AKT3: variants seen among roughly 807,000 people sequenced by gnomAD.
AKT3 encodes RAC-gamma serine/threonine-protein kinase.
AKT3 carries 15 observed loss-of-function variants against 65.3 expected under a neutral mutation model. That is an observed-to-expected ratio of 0.23 (90% CI 0.15 to 0.35). AKT3 has a LOEUF of 0.35. Among genes scored for constraint, AKT3 ranks in the 10% least tolerant of loss-of-function variants. The probability of loss-of-function intolerance (pLI) is 1.00; values close to 1 mark genes in which losing one functional copy is unlikely to be tolerated. For synonymous variants in AKT3, 206 were observed against 183.8 expected (o/e 1.12, Z -0.98); for missense variants, 243 against 576.5 (o/e 0.42, Z 5.92).
chr1:243,494,605 G>C (rs766138081), intron 13 of AKT3, among the ~76,000 whole-genome samples: 1 of 152,150 alleles, frequency 6.6e-6, no homozygotes, highest in Non-Finnish European at 1.5e-5. Flanking sequence ...AAAGCGCATA[G>C]GGCTTCATTT....
chr1:243,750,256 C>G (rs187216729), intron 2 of AKT3, among the ~76,000 whole-genome samples: 26 of 152,118 alleles, frequency 1.7e-4, no homozygotes, highest in African/African-American at 6.3e-4. Flanking sequence ...ATTCACTGTC[C>G]CTAATAAACC....
At chr1:243,574,911 G>A (rs1674829391) in intron 8 of AKT3, among the ~76,000 whole-genome samples, 1 of 152,066 alleles carries the variant, frequency 6.6e-6, no homozygotes, top group East Asian at 1.9e-4. Context: ...AAAAAATATG[G>A]ATCCTCCCTA....
chr1:243,595,664 T>A (rs180984097), intron 8 of AKT3, among the ~76,000 whole-genome samples: 36 of 152,270 alleles, frequency 2.4e-4, no homozygotes, highest in African/African-American at 6.5e-4. Flanking sequence ...TACGTTAGCC[T>A]AAACCTACAC....
intron 2 of AKT3, among the ~76,000 whole-genome samples, chr1:243,795,621 G>A (rs367566481): frequency 1.1e-4 from 17 of 150,276 alleles, no homozygotes; most frequent in South Asian, 4.2e-4. Flanking sequence ...ACAGGCGCCC[G>A]CCACTACGCC....
chr1:243,509,457 G>A (rs760137184), intron 13 of AKT3, among the ~76,000 whole-genome samples: 20 of 152,228 alleles, frequency 1.3e-4, no homozygotes, highest in Middle Eastern at 3.4e-3. Flanking sequence ...GAAAGCTAGG[G>A]CTTTGAAATT....
In AKT3 at chr1:243,501,411, C is replaced by T. The variant is rs756172746; in HGVS notation, c.*3838G>A. 2.6e-5 allele frequency: 6 copies of T among 232,992 alleles called. No homozygotes were observed. Among genetic ancestry groups the T allele is most frequent in the Non-Finnish European group, 4.2e-5 (5 of 118,006 alleles). The allele number at this position is 232,992 out of a possible 1,614,324, so 14.4% of individuals were successfully genotyped here. ...ATTCCTTCAGATTCTGGGTCCAAAC[C>T]GTGTGTTGTATAGATGATTCGGGTC... On this transcript the variant is annotated 3_prime_UTR_variant, in exon 14 of 14. Transcript: ENST00000673466.
rs201124055 is a variant in AKT3 at position 243,630,662 on chromosome 1, CT to C, written c.561+6948del. 5.3e-5 allele frequency among the ~76,000 whole-genome samples: 8 copies of C among 151,950 alleles called. 2 individuals carry two copies. Among genetic ancestry groups the C allele is most frequent in the African/African-American group, 7.2e-5 (3 of 41,396 alleles). Reference sequence around the variant, plus strand: ...GTCTCTGGCCTCCAATTCATTCTTGCTTTTTTTTAAAAAAAAAATTATAACA... The same window carrying C: ...GTCTCTGGCCTCCAATTCATTCTTGCTTTTTTTAAAAAAAAAATTATAACA... On this transcript the variant is annotated intron_variant, in intron 6 of 13. Coordinates refer to ENST00000673466, the MANE Select transcript of AKT3 (RefSeq NM_005465.7).
At chr1:243,605,222 C>T (rs1439149152) in intron 8 of AKT3, among the ~76,000 whole-genome samples, 4 of 150,568 alleles carry the variant, frequency 2.7e-5, no homozygotes, top group Non-Finnish European at 5.9e-5. Context: ...GACACGGGAT[C>T]TCACCATGTT....
intron 8 of AKT3, among the ~76,000 whole-genome samples, chr1:243,599,032 G>T (rs1203162083): frequency 6.6e-6 from 1 of 152,028 alleles, no homozygotes; most frequent in Non-Finnish European, 1.5e-5. Context: ...TTTTTATCGT[G>T]GTGATGATTT....
chr1:243,627,084 T>C (rs1679223926), intron 6 of AKT3, among the ~76,000 whole-genome samples: 1 of 152,188 alleles, frequency 6.6e-6, no homozygotes, highest in African/African-American at 2.4e-5. Flanking sequence ...ATGAAAAAGG[T>C]GAATTATTCA....
intron 2 of AKT3, among the ~76,000 whole-genome samples, chr1:243,718,435 A>AT (rs1176863594): frequency 2.0e-5 from 3 of 151,896 alleles, no homozygotes; most frequent in African/African-American, 7.3e-5. Context: ...AGCCACAAAC[A>AT]TTTTACCTAT....
intron 8 of AKT3, among the ~76,000 whole-genome samples, chr1:243,588,354 A>T (rs1675954749): frequency 6.6e-6 from 1 of 152,228 alleles, no homozygotes; most frequent in Non-Finnish European, 1.5e-5. Flanking sequence ...GCAGTCAGAG[A>T]AGAGTCATTA....
intron 10 of AKT3, among the ~76,000 whole-genome samples, chr1:243,563,120 G>A (rs1017607532): frequency 6.6e-6 from 1 of 152,048 alleles, no homozygotes; most frequent in Non-Finnish European, 1.5e-5. Flanking sequence ...ATCCTTTTCT[G>A]TGTTGTGCCT....
intron 5 of AKT3, among the ~76,000 whole-genome samples, chr1:243,642,504 T>G (rs1162111641): frequency 2.0e-5 from 3 of 152,118 alleles, no homozygotes; most frequent in African/African-American, 7.2e-5. Flanking sequence ...AGAGACGGGG[T>G]TTCACCGTGT....
At position 243,489,112 on chromosome 1, in the gene AKT3, C is replaced by G. The variant is rs746212924; in HGVS notation, c.*7-662G>C. 4.3e-6 allele frequency: 7 copies of G among 1,612,968 alleles called. No homozygotes were observed. The highest frequency in any genetic ancestry group is 5.9e-6 in the Non-Finnish European group (7 of 1,179,976). On this transcript the variant is annotated intron_variant, in intron 13 of 13. Coordinates refer to the AKT3 transcript ENST00000336199. ...CTTCTCCTGGAGAGGCAGAGCCTGT[C>G]GGAAGAGGTGGACCGGCTGCGGACC...
chr1:243,649,826 G>A (rs548200125), intron 4 of AKT3, among the ~76,000 whole-genome samples: 1 of 152,124 alleles, frequency 6.6e-6, no homozygotes, highest in Non-Finnish European at 1.5e-5. Flanking sequence ...ATGGACATTT[G>A]GGTTGGTTCC....
At chr1:243,655,777 C>T (rs1363795137) in intron 4 of AKT3, among the ~76,000 whole-genome samples, 1 of 152,142 alleles carries the variant, frequency 6.6e-6, no homozygotes, top group Non-Finnish European at 1.5e-5. Context: ...CATGTCTCCT[C>T]TTTGGCAGAT....
At position 243,643,579 on chromosome 1, in the gene AKT3, T is replaced by G. The variant is rs945662626; in HGVS notation, c.429+2314A>C. 4.6e-5 allele frequency among the ~76,000 whole-genome samples: 7 copies of G among 152,234 alleles called. No homozygotes were observed. The East Asian group carries it at 1.3e-3, about 29-fold the overall frequency. On this transcript the variant is annotated intron_variant, in intron 5 of 13. Coordinates refer to ENST00000673466, the MANE Select transcript of AKT3 (RefSeq NM_005465.7). ...ACAAAGAAGAGCACTTAAATCTGTC[T>G]GTGAGGCCCTTGCCTCTTTACACCC...
rs188739538 is a variant in AKT3, at chr1:243,559,202, A to G, written c.948+4518T>C. Among the ~76,000 whole-genome samples the G allele has an allele frequency of 2.2e-4, 33 of 152,276 alleles. No individual in the cohort carries two copies. In the South Asian group the frequency reaches 5.4e-3, roughly 25 times the overall value. On this transcript the variant is annotated intron_variant, in intron 10 of 13. Coordinates refer to ENST00000673466, the MANE Select transcript of AKT3 (RefSeq NM_005465.7). ...TAAGTTTATTTCCTTCGAATGTACA[A>G]AAGAGCAAAAGTACATTCATTTAAA...
Sources: allele counts gnomAD v4.1 joint callset (sites outside exome capture counted in the v4.1 genomes callset), GRCh38; gene constraint gnomAD v4.1.1; transcripts MANE v1.5; gene names NCBI Gene and HGNC (gene_info 2026-07-23, HGNC 2026-07-21).